Variants in SRD5A2 observed in about 807,000 individuals in gnomAD.
SRD5A2 encodes steroid 5 alpha-reductase 2, also known as 3-oxo-5-alpha-steroid 4-dehydrogenase 2.
SRD5A2 carries 30 observed loss-of-function variants against 27.4 expected under a neutral mutation model. That is an observed-to-expected ratio of 1.10 (90% confidence interval 0.82 to 1.49). SRD5A2 has a LOEUF of 1.49. SRD5A2 is among the 40% of genes most tolerant of loss of function. The probability of loss-of-function intolerance (pLI) is 0.00; values close to 1 mark genes in which losing one functional copy is unlikely to be tolerated. For missense variants in SRD5A2, 348 were observed against 323.4 expected (o/e 1.08, Z -0.58); for synonymous variants, 141 against 133.6 (o/e 1.06, Z -0.38).
the SRD5A2 span, among the ~76,000 whole-genome samples, chr2:31,625,199 A>C: frequency 6.6e-6 from 1 of 151,856 alleles, no homozygotes; most frequent in Non-Finnish European, 1.5e-5. Flanking sequence ...CCACTTTTTG[A>C]TGGGGTTGTT....
At chr2:31,612,734 G>A in the SRD5A2 span, among the ~76,000 whole-genome samples, 5 of 152,156 alleles carry the variant, frequency 3.3e-5, no homozygotes, top group East Asian at 9.6e-4. Flanking sequence ...AAAGAACAAT[G>A]CTGGAAGGAT....
chr2:31,583,651 C>CAAAAAAAAAAA (rs1558379512), upstream of SRD5A2, among the ~76,000 whole-genome samples: 12 of 66,524 alleles, frequency 1.8e-4, 1 homozygote, highest in African/African-American at 5.1e-4. Flanking sequence ...AAAAAAAAAA[C>CAAAAAAAAAAA]CAAAAAAAAA....
chr2:31,580,874 T>G lies in SRD5A2; in HGVS notation c.27A>C (p.Pro9=). The change falls in exon 1 of 5, where the codon CCA becomes CCC. Residue 9 remains proline, a synonymous_variant. Coordinates refer to ENST00000622030, the MANE Select transcript of SRD5A2 (RefSeq NM_000348.4). Reference sequence around the variant, plus strand: ...CCAAAGTGGCGCTGCCTGCCAGCACTGGGCTCTGCTGGCACTGAACCTGCA... The same window carrying G: ...CCAAAGTGGCGCTGCCTGCCAGCACGGGGCTCTGCTGGCACTGAACCTGCA... MQVQCQQS[P]VLAGSATLVA... The G allele has an allele frequency of 6.2e-7, 1 of 1,609,400 alleles. No homozygotes were observed. The highest frequency in any genetic ancestry group is 8.5e-7 in the Non-Finnish European group (1 of 1,178,542).
intron 1 of SRD5A2, among the ~76,000 whole-genome samples, chr2:31,543,197 A>C (rs1666174508): frequency 1.3e-5 from 2 of 152,196 alleles, no homozygotes; most frequent in Admixed American, 1.3e-4. Flanking sequence ...AGAACACCAT[A>C]TCTGGCAAAA....
intron 1 of SRD5A2, among the ~76,000 whole-genome samples, chr2:31,565,053 A>G (rs920321517): frequency 1.3e-5 from 2 of 152,046 alleles, no homozygotes; most frequent in African/African-American, 4.8e-5. Context: ...GTAAAACAAC[A>G]ACAATAACAT....
rs142487373 is a variant in SRD5A2 at position 31,539,744 on chromosome 2, T to C, written c.282-5978A>G. Among the ~76,000 whole-genome samples, 840 of 152,230 alleles carry C rather than the reference T, an allele frequency of 5.5e-3. 6 individuals carry two copies. The highest frequency in any genetic ancestry group is 0.017 in the South Asian group (81 of 4,816). ...GGCCACCTTCCCTCCTCCACTGCAT[T>C]CCATGGTGTCAGTGGAAACCAGTTG... On this transcript the variant is annotated intron_variant, in intron 1 of 4. Transcript: ENST00000622030.
the SRD5A2 span, among the ~76,000 whole-genome samples, chr2:31,626,075 A>C: frequency 1.3e-5 from 2 of 152,202 alleles, no homozygotes; most frequent in African/African-American, 4.8e-5. Context: ...GAAGTTCTTC[A>C]CATCCCTTGT....
At chr2:31,646,165 GCACA>G in the SRD5A2 span, among the ~76,000 whole-genome samples, 1 of 150,994 alleles carries the variant, frequency 6.6e-6, no homozygotes, top group South Asian at 2.1e-4. Flanking sequence ...GTGTGTGCGT[GCACA>G]CACACACACA....
intron 1 of SRD5A2, among the ~76,000 whole-genome samples, chr2:31,536,445 T>C (rs1473479608): frequency 2.6e-5 from 4 of 152,188 alleles, no homozygotes; most frequent in African/African-American, 7.2e-5. Context: ...GAGGATTGTG[T>C]AGAAGATTTT....
chr2:31,566,624 T>C (rs767582349), intron 1 of SRD5A2, among the ~76,000 whole-genome samples: 32 of 152,184 alleles, frequency 2.1e-4, no homozygotes, highest in Non-Finnish European at 4.0e-4. Context: ...AACATCTTGA[T>C]ACAAAGGAGA....
chr2:31,540,545 G>A (rs1666109383), intron 1 of SRD5A2, among the ~76,000 whole-genome samples: 1 of 152,194 alleles, frequency 6.6e-6, no homozygotes, highest in Admixed American at 6.5e-5. Flanking sequence ...GGTAGGGAGA[G>A]CATCCTGGGG....
At chr2:31,602,762 C>A in the SRD5A2 span, among the ~76,000 whole-genome samples, 1 of 151,946 alleles carries the variant, frequency 6.6e-6, no homozygotes, top group Middle Eastern at 3.4e-3. Context: ...CTCACACCTA[C>A]AATCATCTGA....
the SRD5A2 span, among the ~76,000 whole-genome samples, chr2:31,648,198 A>C: frequency 2.0e-5 from 3 of 152,246 alleles, no homozygotes; most frequent in Non-Finnish European, 2.9e-5. Context: ...TGGCAAAGGC[A>C]TCAAAAAATG....
rs1666418872 is a variant in SRD5A2, at chr2:31,553,313, G to A, written c.282-19547C>T. On this transcript the variant is annotated intron_variant, in intron 1 of 4. Coordinates refer to ENST00000622030, the MANE Select transcript of SRD5A2 (RefSeq NM_000348.4). ...CAAGACAACAAATATATACATTATG[G>A]TGATTCTAGAAGGAAAGCAGAGAGA... is the stretch of plus-strand genomic sequence containing the variant. Among the ~76,000 whole-genome samples, 6 of 152,128 alleles carry A rather than the reference G, an allele frequency of 3.9e-5. No homozygotes were observed. In the South Asian group the frequency reaches 1.2e-3, roughly 32 times the overall value.
In SRD5A2 at chr2:31,560,066, C is replaced by A. The variant is rs531598076; in HGVS notation, c.281+20554G>T. 3.7e-4 allele frequency among the ~76,000 whole-genome samples: 53 copies of A among 141,608 alleles called. 1 individual carries two copies. Among genetic ancestry groups the A allele is most frequent in the East Asian group, 6.3e-4 (3 of 4,736 alleles). 92.9% of individuals were successfully genotyped at this position (141,608 alleles called of 152,430 possible). ...TATGTACATACCAATCCCCCCCCCC[C>A]CCTTTTTTTAAAAAGTCATTGACCA... On this transcript the variant is annotated intron_variant, in intron 1 of 4. Coordinates refer to ENST00000622030, the MANE Select transcript of SRD5A2 (RefSeq NM_000348.4).
At chr2:31,656,295 A>G in the SRD5A2 span, among the ~76,000 whole-genome samples, 1 of 152,186 alleles carries the variant, frequency 6.6e-6, no homozygotes, top group Non-Finnish European at 1.5e-5. Context: ...CTCTCAACAC[A>G]TCACATTCCC....
At chr2:31,583,451 A>G (rs1217293725), upstream of SRD5A2, among the ~76,000 whole-genome samples, 1 of 152,114 alleles carries the variant, frequency 6.6e-6, no homozygotes. Flanking sequence ...CCAATAATGC[A>G]ACTGGTCTGT....
At chr2:31,598,805 G>T in the SRD5A2 span, among the ~76,000 whole-genome samples, 1 of 151,900 alleles carries the variant, frequency 6.6e-6, no homozygotes, top group Admixed American at 6.6e-5. Flanking sequence ...TATGGCAGAT[G>T]TAAGTCCTTA....
the SRD5A2 span, among the ~76,000 whole-genome samples, chr2:31,636,018 C>T: frequency 3.9e-5 from 6 of 151,914 alleles, no homozygotes; most frequent in African/African-American, 1.4e-4. Context: ...GACTGCTTTG[C>T]CTGTTCAGGA....
Sources: allele counts gnomAD v4.1 joint callset (sites outside exome capture counted in the v4.1 genomes callset), GRCh38; gene constraint gnomAD v4.1.1; transcripts MANE v1.5; gene names NCBI Gene and HGNC (gene_info 2026-07-23, HGNC 2026-07-21).